Variants in MELK observed in about 807,000 individuals in gnomAD.
The protein encoded by MELK is pEg3 kinase.
MELK carries 81 observed loss-of-function variants against 85.0 expected under a neutral mutation model. The ratio of observed to expected loss-of-function variants is 0.95; its 90% CI spans 0.80 to 1.15. The LOEUF (loss-of-function observed/expected upper bound fraction) is 1.15. Ranked by LOEUF, MELK falls within the 50% of genes most tolerant of loss-of-function variation. The pLI is 0.00. For synonymous variants in MELK, 252 were observed against 265.0 expected, an observed-to-expected ratio of 0.95 and a Z score of 0.48; for missense variants, 754 against 777.5, an observed-to-expected ratio of 0.97 and a Z score of 0.36.
At chr9:36,601,861 G>A (rs1299713197) in intron 7 of MELK, among the ~76,000 whole-genome samples, 1 of 152,136 alleles carries the variant, frequency 6.6e-6, no homozygotes, top group Non-Finnish European at 1.5e-5. Flanking sequence ...TTAGCATAAT[G>A]TCCTCAAGGT....
intron 8 of MELK, 122 bp from the exon 9 acceptor site, chr9:36,630,174 TTTA>T (rs1828388696): frequency 1.3e-6 from 1 of 744,148 alleles, no homozygotes; most frequent in Non-Finnish European, 2.3e-6. Flanking sequence ...GTTAATAATG[TTTA>T]CCAAGTATTG....
At chr9:36,615,171 G>T (rs1335442627) in intron 8 of MELK, among the ~76,000 whole-genome samples, 1 of 133,958 alleles carries the variant, frequency 7.5e-6, no homozygotes, top group Non-Finnish European at 1.6e-5. Flanking sequence ...CTCACCTCCC[G>T]GACGGGGCGG....
intron 7 of MELK, among the ~76,000 whole-genome samples, chr9:36,600,211 C>T (rs193118719): frequency 1.5e-3 from 228 of 151,854 alleles, no homozygotes; most frequent in African/African-American, 5.3e-3. Flanking sequence ...CTCCTTCAGC[C>T]TCCCAAGTAG....
chr9:36,651,444 A>G (rs1366787853), intron 11 of MELK, among the ~76,000 whole-genome samples: 1 of 152,198 alleles, frequency 6.6e-6, no homozygotes, highest in Non-Finnish European at 1.5e-5. Flanking sequence ...ATACTAGGAA[A>G]TTTATACATA....
intron 8 of MELK, among the ~76,000 whole-genome samples, chr9:36,618,806 G>A (rs1407011839): frequency 1.3e-5 from 2 of 152,168 alleles, no homozygotes; most frequent in Non-Finnish European, 2.9e-5. Context: ...GTGTCTCATA[G>A]TGTAGGTTAT....
rs745374927 is a variant in MELK, at chr9:36,665,436, G to A, written c.1263G>A (p.Lys421=). Residue 421 remains lysine, a synonymous_variant, in exon 14 of 18, where the codon AAG becomes AAA. Transcript: ENST00000298048. ...GCAGAACACCTGCAAATAAATTAAA[G>A]AACAAAGAAAATGTATATACTCCTA... ...ALCRTPANKL[K]NKENVYTPKS... is the part of the protein sequence containing the mutation. The A allele has an allele frequency of 6.2e-7, 1 of 1,613,236 alleles. No individual in the cohort carries two copies. The highest frequency in any genetic ancestry group is 1.1e-5 in the South Asian group (1 of 91,048).
chr9:36,637,140 G>T (rs778227380), intron 10 of MELK, among the ~76,000 whole-genome samples: 17 of 151,866 alleles, frequency 1.1e-4, no homozygotes, highest in Non-Finnish European at 2.2e-4. Context: ...CCAGCAACTA[G>T]ATTTCAAAAG....
chr9:36,673,595 A>T (rs1223657564), intron 16 of MELK, among the ~76,000 whole-genome samples: 1 of 151,422 alleles, frequency 6.6e-6, no homozygotes, highest in Non-Finnish European at 1.5e-5. Flanking sequence ...CTAATTCTTA[A>T]TTTTTTTTGC....
At position 36,581,938 on chromosome 9, in the gene MELK, A is replaced by G. The variant is rs1427472940; in HGVS notation, c.58+199A>G. On this transcript the variant is annotated intron_variant, in intron 2 of 17. Coordinates refer to ENST00000298048, the MANE Select transcript of MELK (RefSeq NM_014791.4). ...GGTTATTGCAAGGACTTTGACTTTT[A>G]TTCTAAATAATTTATTCTAAATATT... 3.3e-5 allele frequency among the ~76,000 whole-genome samples: 5 copies of G among 151,878 alleles called. No homozygotes were observed. The East Asian group carries it at 9.6e-4, about 29-fold the overall frequency.
chr9:36,611,293 C>T (rs1001790921), intron 8 of MELK, among the ~76,000 whole-genome samples: 2 of 152,166 alleles, frequency 1.3e-5, no homozygotes, highest in African/African-American at 4.8e-5. Flanking sequence ...TCCTAGACTT[C>T]TAGAAAGACT....
At chr9:36,576,482 T>C (rs778209830) in intron 1 of MELK, among the ~76,000 whole-genome samples, 3 of 152,206 alleles carry the variant, frequency 2.0e-5, no homozygotes, top group Non-Finnish European at 4.4e-5. Context: ...TGAGTGTCGA[T>C]ATTTTTCCTT....
chr9:36,654,654 C>A (rs919479495), intron 12 of MELK, among the ~76,000 whole-genome samples: 1 of 152,074 alleles, frequency 6.6e-6, no homozygotes, highest in Admixed American at 6.6e-5. Flanking sequence ...CCACACCCGG[C>A]CTGGATTTTC....
chr9:36,646,508 C>A (rs1830227500), intron 11 of MELK, among the ~76,000 whole-genome samples: 1 of 152,174 alleles, frequency 6.6e-6, no homozygotes, highest in Non-Finnish European at 1.5e-5. Context: ...CAGCGGTGAG[C>A]CTCCTATGTC....
chr9:36,661,155 C>T (rs13295653), intron 13 of MELK, among the ~76,000 whole-genome samples: 117,650 of 152,076 alleles, frequency 0.77, 47,950 homozygotes, highest in Non-Finnish European at 0.9. Flanking sequence ...TGGTCTTCAT[C>T]GTGATTGTGG....
chr9:36,615,078 C>CG (rs1240618871), intron 8 of MELK, among the ~76,000 whole-genome samples: 1 of 144,040 alleles, frequency 6.9e-6, no homozygotes, highest in Non-Finnish European at 1.5e-5. Flanking sequence ...CTGACCCCCC[C>CG]CCCACCTCCC....
intron 13 of MELK, among the ~76,000 whole-genome samples, chr9:36,657,710 G>A (rs902197495): frequency 6.6e-6 from 1 of 152,102 alleles, no homozygotes; most frequent in African/African-American, 2.4e-5. Context: ...CATGCCTCCT[G>A]AGTAGCTGGG....
At chr9:36,636,332 G>C (rs889306551) in intron 10 of MELK, among the ~76,000 whole-genome samples, 1 of 151,728 alleles carries the variant, frequency 6.6e-6, no homozygotes, top group Non-Finnish European at 1.5e-5. Context: ...GGAGAAACCC[G>C]TTTCTAGTAA....
intron 2 of MELK, among the ~76,000 whole-genome samples, chr9:36,583,210 T>G (rs1360268346): frequency 1.3e-5 from 2 of 152,108 alleles, no homozygotes; most frequent in East Asian, 1.9e-4. Flanking sequence ...CCTGACCTTG[T>G]GATCCGCCCG....
intron 17 of MELK, among the ~76,000 whole-genome samples, chr9:36,675,990 C>T (rs1833310631): frequency 6.6e-6 from 1 of 152,188 alleles, no homozygotes; most frequent in African/African-American, 2.4e-5. Context: ...CATTAGAACA[C>T]ATCTCTCCCA....
Sources: allele counts gnomAD v4.1 joint callset (sites outside exome capture counted in the v4.1 genomes callset), GRCh38; gene constraint gnomAD v4.1.1; transcripts MANE v1.5; gene names NCBI Gene and HGNC (gene_info 2026-07-23, HGNC 2026-07-21).